ERC1: variants seen among roughly 807,000 people sequenced by gnomAD.
ERC1 encodes ELKS/RAB6-interacting/CAST family member 1.
ERC1 carries 56 observed loss-of-function variants against 132.0 expected under a neutral mutation model. The observed-to-expected ratio is 0.42, with a 90% CI of 0.34 to 0.53. The LOEUF (loss-of-function observed/expected upper bound fraction) is 0.53. Ranked by LOEUF, ERC1 falls within the 20% of genes least tolerant of loss-of-function variation. The probability of loss-of-function intolerance (pLI) is 0.03; values close to 1 mark genes in which losing one functional copy is unlikely to be tolerated. For missense variants in ERC1, 1,202 were observed against 1,349.9 expected, an observed-to-expected ratio of 0.89 and a Z score of 1.72; for synonymous variants, 478 against 476.1, an observed-to-expected ratio of 1.00 and a Z score of -0.05.
chr12:1,322,516 A>T (rs574344799), intron 15 of ERC1, among the ~76,000 whole-genome samples: 1 of 152,198 alleles, frequency 6.6e-6, no homozygotes, highest in Non-Finnish European at 1.5e-5. Flanking sequence ...GTTTGTCTTC[A>T]ATCCTGATAA....
chr12:1,051,529 C>CAAA (rs35353366), intron 2 of ERC1, among the ~76,000 whole-genome samples: 16 of 127,682 alleles, frequency 1.3e-4, no homozygotes, highest in African/African-American at 3.6e-4. Flanking sequence ...GTCTCTACCC[C>CAAA]AAAAAAAAAA....
At chr12:1,373,597 T>C (rs575979710) in intron 16 of ERC1, among the ~76,000 whole-genome samples, 44 of 152,316 alleles carry the variant, frequency 2.9e-4, no homozygotes, top group East Asian at 1.4e-3. Flanking sequence ...CTGGCCAACA[T>C]GGTGAAACCC....
intron 7 of ERC1, chr12:1,116,253 C>T (rs1946427661): frequency 7.4e-6 from 3 of 404,664 alleles, no homozygotes; most frequent in African/African-American, 6.2e-5. Context: ...GTTTTTAATT[C>T]TTTAAACTTT....
At chr12:1,268,033 A>G (rs1173586779) in intron 14 of ERC1, among the ~76,000 whole-genome samples, 1 of 152,140 alleles carries the variant, frequency 6.6e-6, no homozygotes, top group African/African-American at 2.4e-5. Flanking sequence ...ATTGGCTGAA[A>G]ATCTCCTCTG....
chr12:1,427,916 A>C (rs2092687103), intron 17 of ERC1, among the ~76,000 whole-genome samples: 1 of 152,166 alleles, frequency 6.6e-6, no homozygotes, highest in Non-Finnish European at 1.5e-5. Flanking sequence ...AGAACCTTTT[A>C]CTTAATGTAT....
chr12:1,331,275 G>A (rs1307308627), intron 15 of ERC1, among the ~76,000 whole-genome samples: 2 of 152,164 alleles, frequency 1.3e-5, no homozygotes, highest in African/African-American at 4.8e-5. Context: ...ACTCTTTTGT[G>A]TCTGGGTTCT....
chr12:1,092,759 G>C (rs1438697893), intron 3 of ERC1, among the ~76,000 whole-genome samples: 2 of 152,174 alleles, frequency 1.3e-5, no homozygotes, highest in Non-Finnish European at 2.9e-5. Context: ...CCAGGAGTTC[G>C]AGACCAGCCT....
chr12:1,188,681 T>C (rs541198477), intron 11 of ERC1, among the ~76,000 whole-genome samples: 94 of 152,352 alleles, frequency 6.2e-4, no homozygotes, highest in African/African-American at 2.2e-3. Context: ...CTTAAAAGTA[T>C]AGCTGTTACT....
intron 12 of ERC1, among the ~76,000 whole-genome samples, chr12:1,220,879 T>C (rs1958918048): frequency 6.6e-6 from 1 of 152,224 alleles, no homozygotes; most frequent in Non-Finnish European, 1.5e-5. Context: ...CTGGGCCTCG[T>C]GCCCATTCGC....
At chr12:1,021,979 C>T (rs901859693) in intron 1 of ERC1, among the ~76,000 whole-genome samples, 2 of 152,180 alleles carry the variant, frequency 1.3e-5, no homozygotes, top group Non-Finnish European at 2.9e-5. Context: ...ATCCTAGTTC[C>T]TTCACAGTTC....
At chr12:1,055,292 G>A (rs1405352123) in intron 2 of ERC1, among the ~76,000 whole-genome samples, 1 of 151,976 alleles carries the variant, frequency 6.6e-6, no homozygotes, top group Non-Finnish European at 1.5e-5. Flanking sequence ...CAATTCTTGT[G>A]CCTCAGCCTC....
In ERC1 at chr12:1,288,516, A is replaced by G. The variant is rs374161693; in HGVS notation, c.2620-1336A>G. Among the ~76,000 whole-genome samples, 21 of 152,372 alleles carry G rather than the reference A, an allele frequency of 1.4e-4. No homozygotes were observed. In the East Asian group the frequency reaches 3.9e-3, roughly 28 times the overall value. On this transcript the variant is annotated intron_variant, in intron 14 of 18. Coordinates refer to ENST00000360905, the MANE Select transcript of ERC1 (RefSeq NM_178040.4). ...AAGGATAAAAAAATTCAGGTGCCAA[A>G]AAAACTAAATGCATTTGCTTACTAT... is the stretch of plus-strand genomic sequence containing the variant.
chr12:1,255,165 A>T (rs1320993904), intron 13 of ERC1, among the ~76,000 whole-genome samples: 1 of 150,446 alleles, frequency 6.6e-6, no homozygotes, highest in Non-Finnish European at 1.5e-5. Flanking sequence ...CTGATTGTTC[A>T]ACTCCCACTT....
chr12:994,709 C>T (rs1960427450), intron 1 of ERC1, among the ~76,000 whole-genome samples: 1 of 152,154 alleles, frequency 6.6e-6, no homozygotes. Flanking sequence ...ATTCTAGATG[C>T]TGGTATCATA....
chr12:1,106,444 G>T (rs1022646494), intron 4 of ERC1, among the ~76,000 whole-genome samples: 2 of 151,952 alleles, frequency 1.3e-5, no homozygotes, highest in African/African-American at 4.8e-5. Context: ...TTAGTCAATG[G>T]TATATAAATA....
intron 15 of ERC1, among the ~76,000 whole-genome samples, chr12:1,361,786 A>G (rs2086150807): frequency 6.6e-6 from 1 of 152,246 alleles, no homozygotes. Context: ...TTTACTTACT[A>G]TCAACTCATC....
At chr12:995,129 T>C (rs181663536) in intron 1 of ERC1, among the ~76,000 whole-genome samples, 1 of 150,072 alleles carries the variant, frequency 6.7e-6, no homozygotes, top group East Asian at 1.9e-4. Flanking sequence ...TGGCAGTATG[T>C]GCCTATAGTC....
chr12:1,350,974 TCAGAGTGGGAACTCACTCACTACCA>T (rs1314004081), intron 15 of ERC1, among the ~76,000 whole-genome samples: 1 of 152,162 alleles, frequency 6.6e-6, no homozygotes, highest in Non-Finnish European at 1.5e-5. Flanking sequence ...TGCAGTCTTG[TCAGAGTGGGAACTCACTCACTACCA>T]CAAGATCAGC....
At chr12:1,370,571 A>G (rs1179272350) in intron 15 of ERC1, among the ~76,000 whole-genome samples, 1 of 152,360 alleles carries the variant, frequency 6.6e-6, no homozygotes, top group East Asian at 1.9e-4. Context: ...TCAAAGGAAT[A>G]AATTAAATGG....
Sources: allele counts gnomAD v4.1 joint callset (sites outside exome capture counted in the v4.1 genomes callset), GRCh38; gene constraint gnomAD v4.1.1; transcripts MANE v1.5; gene names NCBI Gene and HGNC (gene_info 2026-07-23, HGNC 2026-07-21).